The following CAMK4 variants were observed in gnomAD, a reference collection of about 807,000 sequenced individuals.
CAMK4 encodes the protein calcium/calmodulin dependent protein kinase IV, also known as calcium/calmodulin-dependent protein kinase type IV.
A neutral mutation model predicts 44.9 loss-of-function variants in CAMK4; 22 were observed. That is an observed-to-expected ratio of 0.49 (90% CI 0.35 to 0.70). The LOEUF (loss-of-function observed/expected upper bound fraction) is 0.70, where lower values mean the gene tolerates loss of function less well. Among genes scored for constraint, CAMK4 ranks in the 30% least tolerant of loss-of-function variants. The pLI is 0.01. For missense variants in CAMK4, 498 were observed against 586.8 expected, an observed-to-expected ratio of 0.85 and a Z score of 1.56; for synonymous variants, 218 against 215.4, an observed-to-expected ratio of 1.01 and a Z score of -0.11.
At chr5:111,374,261 A>C (rs571052420) in intron 2 of CAMK4, among the ~76,000 whole-genome samples, 1 of 152,266 alleles carries the variant, frequency 6.6e-6, no homozygotes, top group South Asian at 2.1e-4. Flanking sequence ...ACTGTTCACT[A>C]TTAGAAGCAG....
intron 1 of CAMK4, among the ~76,000 whole-genome samples, chr5:111,234,907 T>G (rs910936765): frequency 1.3e-5 from 2 of 152,218 alleles, no homozygotes; most frequent in African/African-American, 4.8e-5. Context: ...ATGTCATGCC[T>G]GTAGACAGAA....
intron 1 of CAMK4, among the ~76,000 whole-genome samples, chr5:111,301,052 G>A (rs555580240): frequency 6.6e-6 from 1 of 151,916 alleles, no homozygotes; most frequent in Non-Finnish European, 1.5e-5. Context: ...TGCTGGAGAA[G>A]GATTTAATAG....
At chr5:111,329,371 T>C (rs1749053343) in intron 1 of CAMK4, among the ~76,000 whole-genome samples, 1 of 151,920 alleles carries the variant, frequency 6.6e-6, no homozygotes, top group South Asian at 2.1e-4. Flanking sequence ...TTGGAAGTTC[T>C]GGCCAGGGCA....
chr5:111,284,426 G>A (rs1365964883), intron 1 of CAMK4, among the ~76,000 whole-genome samples: 1 of 152,148 alleles, frequency 6.6e-6, no homozygotes, highest in African/African-American at 2.4e-5. Flanking sequence ...GCTTTCCTCA[G>A]AATCTTTCCC....
chr5:111,483,246 A>T lies in CAMK4; in HGVS notation c.981+309A>T, dbSNP rs143701218. On this transcript the variant is annotated intron_variant, in intron 10 of 10. Coordinates refer to ENST00000282356, the MANE Select transcript of CAMK4 (RefSeq NM_001744.6). ...ACTGCTTAAACAGCATTGTTCAGGG[A>T]AAACTGATATTTATTCAGAAAGTTG... Among the ~76,000 whole-genome samples, 104 of 152,308 alleles carry T rather than the reference A, an allele frequency of 6.8e-4. 1 individual carries two copies. Among genetic ancestry groups the T allele is most frequent in the African/African-American group, 2.5e-3 (102 of 41,588 alleles).
chr5:111,380,731 G>T (rs17313250), intron 4 of CAMK4, among the ~76,000 whole-genome samples: 5,677 of 152,230 alleles, frequency 0.037, 341 homozygotes, highest in African/African-American at 0.13. Context: ...GTTTAGGCTT[G>T]TTCCAATGCC....
chr5:111,339,689 A>G (rs1561423673), intron 1 of CAMK4, among the ~76,000 whole-genome samples: 1 of 151,170 alleles, frequency 6.6e-6, no homozygotes, highest in Non-Finnish European at 1.5e-5. Context: ...TTTTTGCTCA[A>G]GATTACTTTG....
chr5:111,295,577 A>G (rs913224718), intron 1 of CAMK4, among the ~76,000 whole-genome samples: 1 of 152,208 alleles, frequency 6.6e-6, no homozygotes, highest in South Asian at 2.1e-4. Flanking sequence ...TCTCTCTAAT[A>G]AGACAAATGT....
Position 111,224,748 on chromosome 5 carries a change from G to A in CAMK4, c.161+104G>A. ...GCGGGAGCCTGCCTTCGTGCCCTTC[G>A]ATTTCTCCCTACCTAGTTAGTGTCT... On this transcript the variant is annotated intron_variant, in intron 1 of 10. Coordinates refer to ENST00000282356, the MANE Select transcript of CAMK4 (RefSeq NM_001744.6). This position sits in a 1 kb window ranked among gnomAD's most constrained non-coding sequence, Gnocchi z 5.7. The A allele has an allele frequency of 9.1e-7, 1 of 1,101,546 alleles. No homozygotes were observed. The highest frequency in any genetic ancestry group is 1.6e-5 in the South Asian group (1 of 63,332). 68.2% of individuals were successfully genotyped at this position (1,101,546 alleles called of 1,614,324 possible).
chr5:111,400,772 G>A (rs534614805), intron 5 of CAMK4, among the ~76,000 whole-genome samples: 2 of 152,300 alleles, frequency 1.3e-5, no homozygotes, highest in African/African-American at 4.8e-5. Context: ...TTCTTGAAAT[G>A]AATTCCAGTG....
chr5:111,260,846 A>G (rs1303628320), intron 1 of CAMK4, among the ~76,000 whole-genome samples: 1 of 152,122 alleles, frequency 6.6e-6, no homozygotes, highest in African/African-American at 2.4e-5. Context: ...GAATAACCTA[A>G]TATGTGTCCT....
At position 111,487,529 on chromosome 5, in the gene CAMK4, T is replaced by C. The variant is rs1360589471; in HGVS notation, c.*3063T>C. 1.3e-5 allele frequency: 2 copies of C among 152,274 alleles called. No homozygotes were observed. Among genetic ancestry groups the C allele is most frequent in the African/African-American group, 4.8e-5 (2 of 41,540 alleles). 9.4% of individuals were successfully genotyped at this position (152,274 alleles called of 1,614,324 possible). A position where few individuals can be genotyped will look rare whatever the true frequency, so the allele number is the denominator to read the frequency against. ...TAATGCAAGCACATGTCATTTAAGA[T>C]TTTCTATTAGTCACATTTTAAGAAA... On this transcript the variant is annotated 3_prime_UTR_variant, in exon 11 of 11. Transcript: ENST00000282356.
At chr5:111,432,688 A>C (rs1447275539) in intron 5 of CAMK4, among the ~76,000 whole-genome samples, 1 of 147,976 alleles carries the variant, frequency 6.8e-6, no homozygotes, top group African/African-American at 2.5e-5. Context: ...ATATACATTT[A>C]TGTATTTAAG....
rs190148598 is a variant in CAMK4 at position 111,290,590 on chromosome 5, C to G, written c.162-53434C>G. On this transcript the variant is annotated intron_variant, in intron 1 of 10. Transcript: ENST00000282356. This position sits in a 1 kb window ranked among gnomAD's most constrained non-coding sequence, Gnocchi z 4.5. Reference sequence around the variant, plus strand: ...TCAGAGGCCAGGATGCGGGGCAGAGCCAAGGGGAACGTTTTGTTCAGTGAC... The same window carrying G: ...TCAGAGGCCAGGATGCGGGGCAGAGGCAAGGGGAACGTTTTGTTCAGTGAC... 8.2e-4 allele frequency among the ~76,000 whole-genome samples: 125 copies of G among 152,248 alleles called. No individual in the cohort carries two copies. Among genetic ancestry groups the G allele is most frequent in the Middle Eastern group, 3.4e-3 (1 of 294 alleles).
chr5:111,326,702 G>GA (rs1442523990), intron 1 of CAMK4, among the ~76,000 whole-genome samples: 1 of 150,612 alleles, frequency 6.6e-6, no homozygotes, highest in Non-Finnish European at 1.5e-5. Flanking sequence ...AGAGTACAAA[G>GA]AAACATTCTG....
At chr5:111,317,680 T>C (rs1414172128) in intron 1 of CAMK4, among the ~76,000 whole-genome samples, 2 of 151,940 alleles carry the variant, frequency 1.3e-5, no homozygotes, top group African/African-American at 2.4e-5. Flanking sequence ...GTAGGCCAAA[T>C]GATTTGTCTG....
chr5:111,340,988 A>G (rs1371682852), intron 1 of CAMK4, among the ~76,000 whole-genome samples: 4 of 150,812 alleles, frequency 2.7e-5, no homozygotes, highest in Non-Finnish European at 4.5e-5. Context: ...AGGTCATCCA[A>G]TCTGTTGATG....
chr5:111,322,693 A>C (rs1593865), intron 1 of CAMK4, among the ~76,000 whole-genome samples: 1 of 151,978 alleles, frequency 6.6e-6, no homozygotes, highest in Admixed American at 6.6e-5. Context: ...ACTTGGAGAT[A>C]ATACAGATGT....
chr5:111,443,275 TATATACACACACAC>T (rs1457147643), intron 5 of CAMK4, among the ~76,000 whole-genome samples: 34 of 47,144 alleles, frequency 7.2e-4, no homozygotes, highest in East Asian at 2.5e-3. Context: ...TATATATATA[TATATACACACACAC>T]ACACACACAC....
Sources: allele counts gnomAD v4.1 joint callset (sites outside exome capture counted in the v4.1 genomes callset), GRCh38; gene constraint gnomAD v4.1.1; non-coding constraint Gnocchi (gnomAD v3.1); transcripts MANE v1.5; gene names NCBI Gene and HGNC (gene_info 2026-07-23, HGNC 2026-07-21).